The following LYRM4 variants were observed in gnomAD, a reference collection of about 807,000 sequenced individuals.
LYRM4 encodes LYR motif containing 4.
Under a neutral mutation model 11.7 loss-of-function variants are expected in LYRM4, and 9 were observed. The observed-to-expected ratio is 0.77, with a 90% CI of 0.46 to 1.34. The LOEUF is 1.34. Ranked by LOEUF, LYRM4 falls within the 40% of genes most tolerant of loss-of-function variation. The pLI, the probability that LYRM4 is intolerant of heterozygous loss-of-function variation, is 0.00. For missense variants in LYRM4, 133 were observed against 112.5 expected (o/e 1.18, Z -0.82); for synonymous variants, 42 against 40.4 (o/e 1.04, Z -0.15).
At chr6:5,103,175 C>T (rs537011526), downstream of LYRM4, 2 of 152,336 alleles carry the variant, frequency 1.3e-5, no homozygotes, top group East Asian at 3.9e-4. Context: ...GAATCGTAAG[C>T]CATTGCTTTC....
chr6:5,224,656 T>C (rs930985865), intron 1 of LYRM4, among the ~76,000 whole-genome samples: 2 of 152,212 alleles, frequency 1.3e-5, no homozygotes, highest in Admixed American at 1.3e-4. Flanking sequence ...TGAAATTATA[T>C]AGCTTTAAAA....
chr6:5,222,847 A>C (rs1269482221), intron 1 of LYRM4, among the ~76,000 whole-genome samples: 1 of 150,754 alleles, frequency 6.6e-6, no homozygotes, highest in Non-Finnish European at 1.5e-5. Flanking sequence ...AAACAAGACA[A>C]ACTAGAAATT....
rs370426899 is a variant in LYRM4, at chr6:5,253,776, G to C, written c.86+6872C>G. ...AATGTTGACCATTCGATGGTCGTTC[G>C]ATCTGAAGCAAAATGCAAATGTGAA... On this transcript the variant is annotated intron_variant, in intron 1 of 2. Transcript: ENST00000330636. Among the ~76,000 whole-genome samples, 42 of 150,416 alleles carry C rather than the reference G, an allele frequency of 2.8e-4. No homozygotes were observed. In the South Asian group the frequency reaches 8.0e-3, roughly 29 times the overall value.
At chr6:5,251,394 C>T (rs945503462) in intron 1 of LYRM4, among the ~76,000 whole-genome samples, 5 of 152,172 alleles carry the variant, frequency 3.3e-5, no homozygotes, top group Admixed American at 1.3e-4. Context: ...GTTTAATTGG[C>T]TCACAGTTCT....
At chr6:5,175,554 G>A (rs991234237) in intron 2 of LYRM4, among the ~76,000 whole-genome samples, 8 of 152,128 alleles carry the variant, frequency 5.3e-5, no homozygotes, top group Non-Finnish European at 1.2e-4. Context: ...ATTTCCTGAG[G>A]TTTCCAGGAT....
chr6:5,132,119 T>C (rs1019800395), intron 2 of LYRM4, among the ~76,000 whole-genome samples: 4 of 152,214 alleles, frequency 2.6e-5, no homozygotes, highest in African/African-American at 9.6e-5. Context: ...ATCTCATCTC[T>C]TAACCTCCCT....
intron 2 of LYRM4, 136 bp from the exon 3 acceptor site, chr6:5,109,627 C>T (rs994663325): frequency 3.4e-5 from 27 of 805,124 alleles, no homozygotes; most frequent in Middle Eastern, 3.4e-4. Context: ...AACTGCACTG[C>T]GGGGCAAAGC....
the LYRM4 span, among the ~76,000 whole-genome samples, chr6:5,038,879 GGAGGGAGAGA>G: frequency 6.6e-5 from 6 of 90,862 alleles, no homozygotes; most frequent in African/African-American, 3.1e-4. Flanking sequence ...AGGAGACCGT[GGAGGGAGAGA>G]GAGGGAGAGG....
chr6:5,117,765 A>T (rs1279877378), intron 2 of LYRM4, among the ~76,000 whole-genome samples: 1 of 152,090 alleles, frequency 6.6e-6, no homozygotes, highest in African/African-American at 2.4e-5. Flanking sequence ...CTACTCAGGA[A>T]TCTAAGGTGG....
chr6:5,260,530 C>A (rs1561910958), intron 1 of LYRM4, 118 bp downstream of exon 1: 2 of 1,381,904 alleles, frequency 1.4e-6, no homozygotes, highest in Non-Finnish European at 2.0e-6. Flanking sequence ...GTCCTTGCCT[C>A]GCAGCCGCCG....
chr6:5,043,335 C>T, the LYRM4 span: 2 of 152,014 alleles, frequency 1.3e-5, no homozygotes, highest in Non-Finnish European at 2.9e-5. Context: ...AAATCTATTT[C>T]GTCTGCTAAT....
chr6:5,249,494 C>T (rs1227819618), intron 1 of LYRM4, among the ~76,000 whole-genome samples: 1 of 152,142 alleles, frequency 6.6e-6, no homozygotes, highest in Non-Finnish European at 1.5e-5. Context: ...AAGATCATTT[C>T]TGCGATCTAT....
At chr6:5,110,827 C>T (rs1252612562) in intron 2 of LYRM4, among the ~76,000 whole-genome samples, 4 of 152,122 alleles carry the variant, frequency 2.6e-5, no homozygotes, top group East Asian at 1.9e-4. Flanking sequence ...AGACTTTGGA[C>T]GCAAGTGGAT....
chr6:5,180,593 C>A (rs1293306721), intron 2 of LYRM4, among the ~76,000 whole-genome samples: 1 of 152,184 alleles, frequency 6.6e-6, no homozygotes, highest in African/African-American at 2.4e-5. Context: ...CTCAATCTGT[C>A]ACCCCTGAGC....
At chr6:5,055,389 G>A in the LYRM4 span, among the ~76,000 whole-genome samples, 4 of 152,186 alleles carry the variant, frequency 2.6e-5, no homozygotes, top group South Asian at 4.1e-4. The surrounding 1 kb of genome is among the most constrained non-coding windows in gnomAD (Gnocchi z 4.5). Flanking sequence ...TCTCAAATAC[G>A]TTCTGGTTTA....
the LYRM4 span, among the ~76,000 whole-genome samples, chr6:5,046,585 C>G: frequency 6.6e-6 from 1 of 152,222 alleles, no homozygotes; most frequent in East Asian, 1.9e-4. Context: ...GCTGGGACAG[C>G]TGGCGGCTGC....
At chr6:5,176,146 C>T (rs1381479931) in intron 2 of LYRM4, among the ~76,000 whole-genome samples, 1 of 150,556 alleles carries the variant, frequency 6.6e-6, no homozygotes, top group Non-Finnish European at 1.5e-5. Context: ...CTCACTGTAA[C>T]CTCTGCCTCC....
chr6:5,245,101 AAAAAAAAAAAAAATATATAT>A (rs1764085838), intron 1 of LYRM4, among the ~76,000 whole-genome samples: 8 of 55,104 alleles, frequency 1.5e-4, no homozygotes, highest in African/African-American at 5.2e-4. Context: ...AAAAAAAAAA[AAAAAAAAAAAAAATATATAT>A]ATATATATAT....
intron 1 of LYRM4, among the ~76,000 whole-genome samples, chr6:5,245,113 A>AAAATAT (rs70974183): frequency 4.1e-5 from 1 of 24,142 alleles, no homozygotes; most frequent in Non-Finnish European, 6.6e-5. Flanking sequence ...AAAAAAAAAA[A>AAAATAT]ATATATATAT....
Sources: allele counts gnomAD v4.1 joint callset (sites outside exome capture counted in the v4.1 genomes callset), GRCh38; gene constraint gnomAD v4.1.1; non-coding constraint Gnocchi (gnomAD v3.1); transcripts MANE v1.5; gene names NCBI Gene and HGNC (gene_info 2026-07-23, HGNC 2026-07-21).